CEP112: variants seen among roughly 807,000 people sequenced by gnomAD.
The protein encoded by CEP112 is centrosomal protein of 112 kDa.
In CEP112, 127 loss-of-function variants were observed where a neutral mutation model predicts 153.0. The observed-to-expected ratio is 0.83, with a 90% confidence interval of 0.72 to 0.96. The LOEUF is 0.96. Ranked by LOEUF, CEP112 falls within the 40% of genes least tolerant of loss-of-function variation. The pLI is 0.00. For synonymous variants in CEP112, 358 were observed against 374.4 expected, an observed-to-expected ratio of 0.96 and a Z score of 0.51; for missense variants, 1,089 against 1,101.2, an observed-to-expected ratio of 0.99 and a Z score of 0.16.
chr17:65,941,772 T>C (rs923853078), intron 18 of CEP112, among the ~76,000 whole-genome samples: 1 of 144,096 alleles, frequency 6.9e-6, no homozygotes, highest in Non-Finnish European at 1.5e-5. Context: ...GTTAGGTTTT[T>C]TTTTGTTTTG....
chr17:66,123,791 G>C (rs1306273212), intron 6 of CEP112, among the ~76,000 whole-genome samples: 2 of 151,884 alleles, frequency 1.3e-5, no homozygotes, highest in African/African-American at 4.8e-5. Context: ...TTTTACCCCT[G>C]GATTATTTAG....
chr17:65,811,961 G>A (rs2055986758), intron 21 of CEP112, among the ~76,000 whole-genome samples: 1 of 151,848 alleles, frequency 6.6e-6, no homozygotes, highest in African/African-American at 2.4e-5. Flanking sequence ...ATAATTTTCT[G>A]TCATTGCTGC....
intron 6 of CEP112, among the ~76,000 whole-genome samples, chr17:66,125,010 T>G (rs1281106674): frequency 6.6e-6 from 1 of 152,186 alleles, no homozygotes; most frequent in Non-Finnish European, 1.5e-5. Context: ...CTATAAATAC[T>G]GTTACGGCTT....
chr17:65,692,328 A>C (rs998965660), intron 23 of CEP112, among the ~76,000 whole-genome samples: 1 of 150,152 alleles, frequency 6.7e-6, no homozygotes, highest in Non-Finnish European at 1.5e-5. Flanking sequence ...TCCCGGGTTC[A>C]AGCGATTCTC....
chr17:66,029,481 C>T (rs776997930), intron 13 of CEP112, among the ~76,000 whole-genome samples: 4 of 151,964 alleles, frequency 2.6e-5, no homozygotes, highest in Non-Finnish European at 5.9e-5. Context: ...AGGATCACTT[C>T]AGAAAAAGAG....
At chr17:66,126,052 T>C (rs533292850) in intron 6 of CEP112, among the ~76,000 whole-genome samples, 6 of 152,332 alleles carry the variant, frequency 3.9e-5, no homozygotes, top group Non-Finnish European at 8.8e-5. Context: ...ATAAGGTAGA[T>C]AAAGGGATTT....
intron 21 of CEP112, among the ~76,000 whole-genome samples, chr17:65,778,484 A>G (rs902754483): frequency 1.1e-4 from 16 of 152,072 alleles, no homozygotes; most frequent in Admixed American, 6.6e-4. Flanking sequence ...TGGCTGTTCT[A>G]TAGTCTTTTG....
intron 20 of CEP112, among the ~76,000 whole-genome samples, chr17:65,881,148 C>A (rs552173382): frequency 6.6e-6 from 1 of 152,066 alleles, no homozygotes; most frequent in Non-Finnish European, 1.5e-5. Flanking sequence ...ACCTGGGAGG[C>A]GGAGTTTGCA....
intron 23 of CEP112, among the ~76,000 whole-genome samples, chr17:65,703,523 G>A (rs1488727205): frequency 3.3e-4 from 42 of 125,614 alleles, no homozygotes; most frequent in South Asian, 8.1e-4. Context: ...AAAAAAGAAG[G>A]AAAAAAAAAA....
chr17:65,937,494 T>C (rs1481718884), intron 18 of CEP112, among the ~76,000 whole-genome samples: 215 of 96,186 alleles, frequency 2.2e-3, no homozygotes, highest in East Asian at 0.012. Context: ...GGAGACCCTC[T>C]GCCTGGCAAC....
chr17:65,658,854 C>A (rs565370384), intron 24 of CEP112, among the ~76,000 whole-genome samples: 1 of 151,530 alleles, frequency 6.6e-6, no homozygotes, highest in East Asian at 1.9e-4. Context: ...GTTAGGAGAG[C>A]GGGGAGCAAG....
chr17:66,172,698 A>G (rs2072296366), intron 4 of CEP112, among the ~76,000 whole-genome samples: 1 of 152,162 alleles, frequency 6.6e-6, no homozygotes, highest in Admixed American at 6.5e-5. Context: ...TCTCAAGTCT[A>G]TTTCCTACCC....
At chr17:65,819,854 C>G (rs905771271) in intron 21 of CEP112, among the ~76,000 whole-genome samples, 1 of 151,974 alleles carries the variant, frequency 6.6e-6, no homozygotes. Flanking sequence ...GATATAACAA[C>G]TAAATGCACT....
intron 20 of CEP112, among the ~76,000 whole-genome samples, chr17:65,864,361 GA>G (rs1327550381): frequency 6.6e-6 from 1 of 152,144 alleles, no homozygotes; most frequent in Non-Finnish European, 1.5e-5. Context: ...ATGTAGCAAG[GA>G]AGCAGAATTT....
chr17:65,690,988 G>C (rs1438174312), intron 23 of CEP112, among the ~76,000 whole-genome samples: 1 of 152,132 alleles, frequency 6.6e-6, no homozygotes, highest in Non-Finnish European at 1.5e-5. Context: ...CCAGGAAAGG[G>C]AAGATGGAGA....
At chr17:65,901,983 C>CGGG (rs1193965831) in intron 20 of CEP112, among the ~76,000 whole-genome samples, 169 bp downstream of exon 20, 277 of 4,898 alleles carry the variant, frequency 0.057, 31 homozygotes, top group East Asian at 0.076. Flanking sequence ...CATCCCAAAA[C>CGGG]GGGGGGGGGG....
intron 21 of CEP112, among the ~76,000 whole-genome samples, chr17:65,790,054 C>A (rs1194514764): frequency 6.6e-6 from 1 of 152,122 alleles, no homozygotes; most frequent in South Asian, 2.1e-4. Context: ...CTCTTCCCTG[C>A]CTGTAGAAGA....
chr17:65,683,878 C>T (rs1229147483), intron 24 of CEP112, among the ~76,000 whole-genome samples: 1 of 152,080 alleles, frequency 6.6e-6, no homozygotes, highest in Non-Finnish European at 1.5e-5. Context: ...CCCGTCTCTA[C>T]TAAAATACAA....
intron 23 of CEP112, among the ~76,000 whole-genome samples, chr17:65,725,563 C>T (rs1376140722): frequency 1.3e-5 from 2 of 152,176 alleles, no homozygotes; most frequent in Non-Finnish European, 2.9e-5. Context: ...GTGATCCAGT[C>T]GCCTGGGCCT....
Sources: gnomAD v4.1 joint callset for allele counts (sites outside exome capture counted in the v4.1 genomes callset) on GRCh38, gnomAD v4.1.1 for gene constraint, MANE v1.5 for transcripts, NCBI Gene and HGNC (gene_info 2026-07-23, HGNC 2026-07-21) for gene names.